Variants in LMO7 observed in about 807,000 individuals in gnomAD.
The protein encoded by LMO7 is LIM domain 7.
LMO7 carries 120 observed loss-of-function variants against 206.5 expected under a neutral mutation model. The observed-to-expected ratio is 0.58, with a 90% CI of 0.50 to 0.68. The LOEUF is 0.68. LMO7 is among the 30% of genes least tolerant of loss of function. The pLI is 0.00. For missense variants in LMO7, 1,959 were observed against 1,957.9 expected (o/e 1.00, Z -0.01); for synonymous variants, 706 against 681.5 (o/e 1.04, Z -0.56).
At chr13:75,676,125 A>T (rs573222087) in intron 1 of LMO7, among the ~76,000 whole-genome samples, 1 of 152,322 alleles carries the variant, frequency 6.6e-6, no homozygotes, top group South Asian at 2.1e-4. Flanking sequence ...GTAGATGTTC[A>T]CTAAATGTTG....
intron 1 of LMO7, among the ~76,000 whole-genome samples, chr13:75,676,916 T>G (rs2040061817): frequency 6.6e-6 from 1 of 152,244 alleles, no homozygotes; most frequent in Non-Finnish European, 1.5e-5. Context: ...TTTACAGATT[T>G]AAGTCTGTAA....
chr13:75,836,401 T>C lies in LMO7; in HGVS notation c.3338T>C (p.Ile1113Thr), dbSNP rs2059129258. The C allele has an allele frequency of 1.9e-6, 3 of 1,540,536 alleles. No individual in the cohort carries two copies. The highest frequency in any genetic ancestry group is 1.4e-5 in the African/African-American group (1 of 72,882). ...TAGCATTTTTACCCTTTCCAGAATA[T>C]TGAATCCAAAGAAATCAATGGAATT... ...DFSESLQSSNIESKEINGIHD... is the reference protein window; with the variant it reads ...DFSESLQSSNTESKEINGIHD... Residue 1113 changes from isoleucine to threonine, a missense_variant, in exon 19 of 31, where the codon ATT becomes ACT. Transcript: ENST00000377534.
At chr13:75,735,141 G>T (rs1268978914) in intron 3 of LMO7, among the ~76,000 whole-genome samples, 2 of 143,430 alleles carry the variant, frequency 1.4e-5, no homozygotes, top group Admixed American at 7.1e-5. Context: ...GTGTGTGTGT[G>T]TATGTATGTA....
chr13:75,647,947 C>A (rs372637604), intron 1 of LMO7, among the ~76,000 whole-genome samples: 1 of 24,074 alleles, frequency 4.2e-5, no homozygotes. Context: ...GTTTTCTTTT[C>A]TTTCTTTTTT....
chr13:75,746,828 G>C (rs1373643164), intron 3 of LMO7, among the ~76,000 whole-genome samples: 1 of 152,038 alleles, frequency 6.6e-6, no homozygotes, highest in Non-Finnish European at 1.5e-5. Flanking sequence ...GGAAAAAGTG[G>C]ACCAGATAAC....
intron 17 of LMO7, among the ~76,000 whole-genome samples, 178 bp downstream of exon 17, chr13:75,834,565 AT>A (rs1334289912): frequency 6.6e-6 from 1 of 151,702 alleles, no homozygotes; most frequent in African/African-American, 2.4e-5. Context: ...CTCTGTCTGG[AT>A]TTTTCACTAG....
At position 75,849,306 on chromosome 13, in the gene LMO7, T is replaced by C. The variant is rs766348379; in HGVS notation, c.4364+14T>C. 3.5e-5 allele frequency: 56 copies of C among 1,599,548 alleles called. No homozygotes were observed. The highest frequency in any genetic ancestry group is 5.0e-5 in the Admixed American group (3 of 59,954). On this transcript the variant is annotated intron_variant, in intron 27 of 30. Coordinates refer to ENST00000377534, the MANE Select transcript of LMO7 (RefSeq NM_001306080.2). ...GATCATGAGAAGGTGCGAGACATCTTAGGAATTGGTTTCTTGTCTTTACTG... is the reference window on the plus strand; with the variant it reads ...GATCATGAGAAGGTGCGAGACATCTCAGGAATTGGTTTCTTGTCTTTACTG...
intron 1 of LMO7, among the ~76,000 whole-genome samples, chr13:75,711,318 T>C (rs1205410707): frequency 1.3e-5 from 2 of 152,194 alleles, no homozygotes; most frequent in African/African-American, 4.8e-5. Context: ...CCTCATAAAA[T>C]GAGTTAGGGA....
chr13:75,631,020 TTTATTA>T (rs549382057), intron 2 of LMO7, among the ~76,000 whole-genome samples: 43 of 151,824 alleles, frequency 2.8e-4, no homozygotes, highest in Non-Finnish European at 3.5e-4. Flanking sequence ...CCTTTTACTT[TTTATTA>T]TTATTATTAT....
At chr13:75,651,805 T>G (rs2037596575) in intron 1 of LMO7, among the ~76,000 whole-genome samples, 1 of 152,136 alleles carries the variant, frequency 6.6e-6, no homozygotes, top group Admixed American at 6.5e-5. Flanking sequence ...CCTCTGCTTG[T>G]GGCTAGTCCA....
At chr13:75,757,444 G>A (rs148426153) in intron 3 of LMO7, among the ~76,000 whole-genome samples, 4 of 152,252 alleles carry the variant, frequency 2.6e-5, no homozygotes, top group Admixed American at 2.6e-4. Flanking sequence ...AACTAATAGG[G>A]TACTACAGTG....
intron 10 of LMO7, 24 bp downstream of exon 10, chr13:75,808,223 T>C: frequency 1.3e-6 from 2 of 1,577,730 alleles, no homozygotes; most frequent in Non-Finnish European, 1.7e-6. Context: ...TCTGCAAGGA[T>C]TTTGCTTGTA....
rs948556776 is a variant in LMO7 at position 75,746,437 on chromosome 13, G to A, written c.211-14495G>A. Among the ~76,000 whole-genome samples, 17 of 152,214 alleles carry A rather than the reference G, an allele frequency of 1.1e-4. No individual in the cohort carries two copies. The East Asian group carries it at 2.5e-3, about 22-fold the overall frequency. On this transcript the variant is annotated intron_variant, in intron 3 of 30. Coordinates refer to ENST00000377534, the MANE Select transcript of LMO7 (RefSeq NM_001306080.2). ...GCTCTAAAGCAACAGATCAACGGGC[G>A]TGTCCCCATGGAGAGTGTGGGAAAC...
At chr13:75,794,999 T>A (rs768326856) in intron 4 of LMO7, among the ~76,000 whole-genome samples, 1 of 152,046 alleles carries the variant, frequency 6.6e-6, no homozygotes, top group African/African-American at 2.4e-5. Flanking sequence ...GTTTTTAAGG[T>A]TTTTTTCCCC....
At chr13:75,803,552 G>C (rs1480605591) in intron 7 of LMO7, among the ~76,000 whole-genome samples, 3 of 152,166 alleles carry the variant, frequency 2.0e-5, no homozygotes, top group Non-Finnish European at 4.4e-5. Context: ...CTTCTTTTAA[G>C]AAAGCAGATT....
chr13:75,857,039 T>C (rs117758705), intron 30 of LMO7: 1,720 of 154,326 alleles, frequency 0.011, 11 homozygotes, highest in Non-Finnish European at 0.018. Flanking sequence ...TGACCAACTT[T>C]AAAAAATATT....
intron 1 of LMO7, among the ~76,000 whole-genome samples, chr13:75,665,761 A>T (rs566138030): frequency 6.6e-6 from 1 of 152,330 alleles, no homozygotes; most frequent in African/African-American, 2.4e-5. Flanking sequence ...TCCTGACCTC[A>T]GGTGATCTGG....
chr13:75,858,846 A>G lies in LMO7; in HGVS notation c.*903A>G, dbSNP rs902838948. 6.6e-6 allele frequency: 1 copy of G among 152,232 alleles called. No individual in the cohort carries two copies. Among genetic ancestry groups the G allele is most frequent in the Non-Finnish European group, 1.5e-5 (1 of 68,028 alleles). 9.4% of individuals were successfully genotyped at this position (152,232 alleles called of 1,614,324 possible). A position where few individuals can be genotyped will look rare whatever the true frequency, so the allele number is the denominator to read the frequency against. On this transcript the variant is annotated 3_prime_UTR_variant, in exon 31 of 31. Coordinates refer to ENST00000377534, the MANE Select transcript of LMO7 (RefSeq NM_001306080.2). ...AGTGTATACTTTGACAAATTTTGACATGGTGTATACCTTCGAAACTATGCC... is the reference window on the plus strand; with the variant it reads ...AGTGTATACTTTGACAAATTTTGACGTGGTGTATACCTTCGAAACTATGCC...
At chr13:75,763,168 G>T (rs545166805) in intron 4 of LMO7, among the ~76,000 whole-genome samples, 13 of 152,208 alleles carry the variant, frequency 8.5e-5, no homozygotes, top group Admixed American at 3.9e-4. Context: ...GGGATGTTTG[G>T]CCACTTCCGG....
Sources: allele counts gnomAD v4.1 joint callset (sites outside exome capture counted in the v4.1 genomes callset), GRCh38; gene constraint gnomAD v4.1.1; transcripts MANE v1.5; gene names NCBI Gene and HGNC (gene_info 2026-07-23, HGNC 2026-07-21).